The following L3MBTL1 variants were observed in gnomAD, a reference collection of about 807,000 sequenced individuals.
L3MBTL1 encodes lethal(3)malignant brain tumor-like protein 1.
In L3MBTL1, 75 loss-of-function variants were observed where a neutral mutation model predicts 105.3. The observed-to-expected ratio is 0.71, with a 90% confidence interval of 0.59 to 0.86. L3MBTL1 has a LOEUF of 0.86. L3MBTL1 is among the 40% of genes least tolerant of loss of function. The pLI, the probability that L3MBTL1 is intolerant of heterozygous loss-of-function variation, is 0.00. For synonymous variants in L3MBTL1, 452 were observed against 436.2 expected, an observed-to-expected ratio of 1.04 and a Z score of -0.45; for missense variants, 1,069 against 1,126.4, an observed-to-expected ratio of 0.95 and a Z score of 0.73.
Position 43,534,204 on chromosome 20 carries a change from G to A in L3MBTL1, c.1600-80G>A, listed in dbSNP as rs2019485784. On this transcript the variant is annotated intron_variant, in intron 14 of 21. Coordinates refer to ENST00000418998, the MANE Select transcript of L3MBTL1 (RefSeq NM_001377303.1). ...TTTGGGCAGGCCCCAGTTTCCCCAGGCACAGCATTTGGGCTCCCTCTGTGG... is the reference window on the plus strand; with the variant it reads ...TTTGGGCAGGCCCCAGTTTCCCCAGACACAGCATTTGGGCTCCCTCTGTGG... 5 of 1,536,534 alleles carry A rather than the reference G, an allele frequency of 3.3e-6. No homozygotes were observed. In the Admixed American group the frequency reaches 7.0e-5, roughly 21 times the overall value.
chr20:43,539,518 G>A (rs141038923), intron 19 of L3MBTL1: 117 of 166,518 alleles, frequency 7.0e-4, no homozygotes, highest in African/African-American at 2.7e-3. Context: ...AGGAAGCAAA[G>A]CCACAGGCAA....
chr20:43,536,032 CAGGGCTGAGG>C, intron 17 of L3MBTL1, 55 bp from the exon 18 acceptor site: 14 of 1,600,108 alleles, frequency 8.7e-6, no homozygotes, highest in Non-Finnish European at 1.2e-5. Context: ...CAGCTGGGAC[CAGGGCTGAGG>C]AGGGCTCAGC....
At chr20:43,510,499 G>C (rs1349587534) in intron 1 of L3MBTL1, among the ~76,000 whole-genome samples, 1 of 150,134 alleles carries the variant, frequency 6.7e-6, no homozygotes, top group Admixed American at 6.7e-5. Context: ...CCACCTCCTG[G>C]GTTCAAGCAA....
chr20:43,548,815 A>C (rs1978801260), exon 19 of L3MBTL1: 1 of 152,032 alleles, frequency 6.6e-6, no homozygotes, highest in Admixed American at 6.6e-5. Flanking sequence ...CTTCCCCCTG[A>C]GATATGTGAA....
At chr20:43,514,141 A>G in intron 3 of L3MBTL1, 80 bp downstream of exon 3, 1 of 1,241,970 alleles carries the variant, frequency 8.1e-7, no homozygotes, top group Non-Finnish European at 1.1e-6. Context: ...GCTGGACCTG[A>G]GACGGAAGTG....
chr20:43,538,789 A>G (rs746022253), intron 19 of L3MBTL1, among the ~76,000 whole-genome samples: 1 of 152,230 alleles, frequency 6.6e-6, no homozygotes, highest in South Asian at 2.1e-4. Context: ...AAAGCTCCCT[A>G]CAAACTTGAT....
chr20:43,524,620 C>G (rs2018921717), intron 7 of L3MBTL1, among the ~76,000 whole-genome samples: 1 of 152,152 alleles, frequency 6.6e-6, no homozygotes, highest in Non-Finnish European at 1.5e-5. Flanking sequence ...ATCCACTCAT[C>G]CATCCATCCA....
chr20:43,527,197 A>G (rs2019076884), intron 7 of L3MBTL1, among the ~76,000 whole-genome samples: 1 of 152,228 alleles, frequency 6.6e-6, no homozygotes, highest in African/African-American at 2.4e-5. Context: ...CTTAATCATC[A>G]TAGTGATCCT....
At chr20:43,548,014 C>A in intron 18 of L3MBTL1, 5 of 667,506 alleles carry the variant, frequency 7.5e-6, no homozygotes, top group South Asian at 1.8e-5. Flanking sequence ...CTACTCCCCT[C>A]CCCCATTCCC....
intron 7 of L3MBTL1, among the ~76,000 whole-genome samples, chr20:43,519,359 G>A (rs1181251153): frequency 1.4e-5 from 2 of 147,198 alleles, no homozygotes; most frequent in African/African-American, 2.5e-5. Context: ...AAAAAAGGCT[G>A]GGTGCAGTGG....
rs2018015661 is a variant in L3MBTL1 at position 43,507,746 on chromosome 20, T to G, written c.-29+2T>G. ...GGCGGCCACCGGCTGGCCAGGCAGGTAAGCAACCAGCGGTGCGTGGGCTCA... is the reference window on the plus strand; with the variant it reads ...GGCGGCCACCGGCTGGCCAGGCAGGGAAGCAACCAGCGGTGCGTGGGCTCA... On this transcript the variant is annotated splice_donor_variant, in intron 1 of 21. Transcript: ENST00000418998. LOFTEE classifies it low-confidence loss of function (5UTR_SPLICE). The G allele has an allele frequency of 6.6e-6, 1 of 152,006 alleles. No homozygotes were observed. Among genetic ancestry groups the G allele is most frequent in the African/African-American group, 2.4e-5 (1 of 41,424 alleles). The allele number at this position is 152,006 out of a possible 1,614,324, so 9.4% of individuals were successfully genotyped here.
Position 43,518,696 on chromosome 20 carries a change from C to T in L3MBTL1, c.862+2519C>T, listed in dbSNP as rs551933428. Among the ~76,000 whole-genome samples, 5 of 151,758 alleles carry T rather than the reference C, an allele frequency of 3.3e-5. No individual in the cohort carries two copies. The South Asian group carries it at 1.0e-3, about 32-fold the overall frequency. ...CTGTTTTTTTTCCTATCCATACCTA[C>T]GATAAAGGTATGATAAATAATACAC... On this transcript the variant is annotated intron_variant, in intron 7 of 21. Transcript: ENST00000418998.
chr20:43,529,354 C>T lies in L3MBTL1; in HGVS notation c.1042C>T (p.Leu348Phe). The T allele has an allele frequency of 6.2e-7, 1 of 1,611,430 alleles. No individual in the cohort carries two copies. Among genetic ancestry groups the T allele is most frequent in the Non-Finnish European group, 8.5e-7 (1 of 1,178,602 alleles). ...DPQHPSMYFI[L>F]TVAEVCGYRL... is the part of the protein sequence containing the mutation. ...TCAACACCCGTCCATGTACTTCATC[C>T]TCACCGTGGCTGAGGTGAGCTGGGG... The change falls in exon 9 of 22, where the codon CTC becomes TTC. Residue 348 changes from leucine to phenylalanine, a missense_variant. Leu to Phe is a conservative substitution (Grantham distance 22, BLOSUM62 0). Coordinates refer to ENST00000418998, the MANE Select transcript of L3MBTL1 (RefSeq NM_001377303.1).
downstream of L3MBTL1, among the ~76,000 whole-genome samples, chr20:43,544,534 T>C (rs2145503663): frequency 6.6e-6 from 1 of 152,322 alleles, no homozygotes. Flanking sequence ...TTCCCTTACC[T>C]AGTCTCAGAC....
chr20:43,529,208 T>C, intron 8 of L3MBTL1, 56 bp from the exon 9 acceptor site: 1 of 1,389,248 alleles, frequency 7.2e-7, no homozygotes, highest in Non-Finnish European at 1.0e-6. Context: ...CCAAGCCCAC[T>C]AGGCAAGGAT....
At chr20:43,540,104 G>C in intron 19 of L3MBTL1, 47 bp from the exon 20 acceptor site, 1 of 1,603,898 alleles carries the variant, frequency 6.2e-7, no homozygotes, top group Middle Eastern at 1.6e-4. Flanking sequence ...TTCGGGAACA[G>C]TTTAGTCATC....
At position 43,533,359 on chromosome 20, in the gene L3MBTL1, C is replaced by A. The variant is rs1256565956; in HGVS notation, c.1454C>A (p.Pro485His). ...TYDYWCDPSS[P>H]YIHPVGWCQK... Reference sequence around the variant, plus strand: ...GATTTCAGGTGTGATCCCAGCAGCCCCTACATCCACCCAGTGGGCTGGTGC... The same window carrying A: ...GATTTCAGGTGTGATCCCAGCAGCCACTACATCCACCCAGTGGGCTGGTGC... Residue 485 changes from proline to histidine, a missense_variant, in exon 13 of 22, where the codon CCC (proline) becomes CAC (histidine). Coordinates refer to ENST00000418998, the MANE Select transcript of L3MBTL1 (RefSeq NM_001377303.1). 5 of 1,613,788 alleles carry A rather than the reference C, an allele frequency of 3.1e-6. No homozygotes were observed. Among genetic ancestry groups the A allele is most frequent in the Non-Finnish European group, 4.2e-6 (5 of 1,179,950 alleles).
At chr20:43,540,365 T>G in intron 20 of L3MBTL1, 57 bp downstream of exon 20, 1 of 1,581,966 alleles carries the variant, frequency 6.3e-7, no homozygotes, top group Non-Finnish European at 8.6e-7. Context: ...CCTCTCACCA[T>G]ACCCTGGTGG....
At chr20:43,534,548 C>A in intron 15 of L3MBTL1, 154 bp downstream of exon 15, 1 of 660,898 alleles carries the variant, frequency 1.5e-6, no homozygotes, top group Non-Finnish European at 2.6e-6. Context: ...TTTTTGTGGG[C>A]TTGGACAAGT....
Sources: gnomAD v4.1 joint callset for allele counts (sites outside exome capture counted in the v4.1 genomes callset) on GRCh38, gnomAD v4.1.1 for gene constraint, MANE v1.5 for transcripts, NCBI Gene and HGNC (gene_info 2026-07-23, HGNC 2026-07-21) for gene names.